The following THSD4 variants were observed in gnomAD, a reference collection of about 807,000 sequenced individuals.
THSD4 encodes thrombospondin type 1 domain containing 4.
THSD4 carries 69 observed loss-of-function variants against 119.0 expected under a neutral mutation model. The ratio of observed to expected loss-of-function variants is 0.58; its 90% CI spans 0.48 to 0.71. The LOEUF (loss-of-function observed/expected upper bound fraction) is 0.71, where lower values mean the gene tolerates loss of function less well. Ranked by LOEUF, THSD4 falls within the 30% of genes least tolerant of loss-of-function variation. THSD4 has a pLI of 0.00. For synonymous variants in THSD4, 524 were observed against 540.4 expected, an observed-to-expected ratio of 0.97 and a Z score of 0.42; for missense variants, 1,393 against 1,391.1, an observed-to-expected ratio of 1.00 and a Z score of -0.02.
At chr15:71,473,344 C>T (rs1195544193) in intron 7 of THSD4, among the ~76,000 whole-genome samples, 1 of 152,182 alleles carries the variant, frequency 6.6e-6, no homozygotes, top group Non-Finnish European at 1.5e-5. Context: ...AGGTGTGAGC[C>T]ACCGTGCCTG....
intron 2 of THSD4, among the ~76,000 whole-genome samples, chr15:71,147,040 C>T (rs2040669170): frequency 6.6e-6 from 1 of 152,194 alleles, no homozygotes; most frequent in Non-Finnish European, 1.5e-5. Context: ...TTGACCCCTC[C>T]TCTTCCTGCC....
chr15:71,669,600 C>T (rs564978481), intron 8 of THSD4, among the ~76,000 whole-genome samples: 3 of 152,094 alleles, frequency 2.0e-5, no homozygotes, highest in South Asian at 2.1e-4. Context: ...AAAACTTGCC[C>T]GTTTTGTTTA....
At chr15:71,163,862 G>A (rs2043268177) in intron 3 of THSD4, among the ~76,000 whole-genome samples, 1 of 148,904 alleles carries the variant, frequency 6.7e-6, no homozygotes, top group Admixed American at 6.7e-5. Flanking sequence ...ACGCTTTTGG[G>A]GATACATTCT....
intron 6 of THSD4, among the ~76,000 whole-genome samples, chr15:71,286,481 C>T (rs1022846409): frequency 6.6e-6 from 1 of 152,216 alleles, no homozygotes; most frequent in Admixed American, 6.5e-5. Flanking sequence ...CTGCAAAGCA[C>T]ATGATCTTGT....
chr15:71,609,090 T>C (rs2140907310), intron 7 of THSD4, among the ~76,000 whole-genome samples: 1 of 152,242 alleles, frequency 6.6e-6, no homozygotes, highest in Middle Eastern at 3.4e-3. Flanking sequence ...CTAAAGAACA[T>C]TAACTACCAG....
At position 71,242,709 on chromosome 15, in the gene THSD4, C is replaced by G; in HGVS notation, c.525C>G (p.Ile175Met). 2 of 1,614,182 alleles carry G rather than the reference C, an allele frequency of 1.2e-6. No individual in the cohort carries two copies. The highest frequency in any genetic ancestry group is 1.7e-6 in the Non-Finnish European group (2 of 1,180,040). ...ATGGCTATGGTAAGGCCCCATATAT[C>G]TTACCACTGCAGACAGACACTGCAC... ...GKYGYGKAPY[I>M]LPLQTDTAHT... The change falls in exon 5 of 18, where the codon ATC (isoleucine) becomes ATG (methionine). Residue 175 changes from isoleucine (I) to methionine (M), a missense_variant. Ile to Met is a conservative substitution (Grantham distance 10). Transcript: ENST00000261862.
intron 7 of THSD4, among the ~76,000 whole-genome samples, chr15:71,447,027 G>C (rs953787761): frequency 6.6e-6 from 1 of 151,640 alleles, no homozygotes. Context: ...GAATGAAAAC[G>C]AAGGCACTGT....
chr15:71,395,711 C>A (rs754826761), intron 6 of THSD4, among the ~76,000 whole-genome samples: 46 of 152,140 alleles, frequency 3.0e-4, no homozygotes, highest in Middle Eastern at 3.4e-3. Flanking sequence ...CACTGCACTT[C>A]AGCTTGGGCC....
intron 7 of THSD4, among the ~76,000 whole-genome samples, chr15:71,603,178 C>G (rs1454712938): frequency 6.6e-6 from 1 of 152,170 alleles, no homozygotes; most frequent in Non-Finnish European, 1.5e-5. Context: ...CTTGGTTCAG[C>G]TAAAACCAGG....
intron 7 of THSD4, among the ~76,000 whole-genome samples, chr15:71,427,439 A>G (rs1211046268): frequency 1.3e-5 from 2 of 151,748 alleles, no homozygotes; most frequent in African/African-American, 4.8e-5. Flanking sequence ...GAACGCTGTG[A>G]AGTTAACTGG....
At chr15:71,396,258 C>T (rs199541686) in intron 6 of THSD4, among the ~76,000 whole-genome samples, 4 of 151,862 alleles carry the variant, frequency 2.6e-5, no homozygotes, top group East Asian at 1.9e-4. Context: ...ATAATATACA[C>T]ATATGCATGT....
intron 6 of THSD4, among the ~76,000 whole-genome samples, chr15:71,406,089 A>G (rs1212398440): frequency 6.6e-6 from 1 of 152,080 alleles, no homozygotes; most frequent in East Asian, 1.9e-4. Context: ...CTGGCCCTCA[A>G]AGTATTTTCT....
chr15:71,518,277 T>C (rs2048389714), intron 7 of THSD4, among the ~76,000 whole-genome samples: 1 of 152,016 alleles, frequency 6.6e-6, no homozygotes, highest in South Asian at 2.1e-4. Flanking sequence ...CTAATTTATA[T>C]AAGAAGTTAT....
intron 6 of THSD4, among the ~76,000 whole-genome samples, chr15:71,367,660 C>T (rs946005557): frequency 1.3e-5 from 2 of 152,204 alleles, no homozygotes; most frequent in Non-Finnish European, 2.9e-5. Context: ...GTATGTGCCA[C>T]ATTTTCTTAA....
chr15:71,454,409 G>A (rs1264525161), intron 7 of THSD4, among the ~76,000 whole-genome samples: 1 of 152,198 alleles, frequency 6.6e-6, no homozygotes, highest in African/African-American at 2.4e-5. Flanking sequence ...TGAAAAGAAG[G>A]GTGGGATCAT....
intron 7 of THSD4, among the ~76,000 whole-genome samples, chr15:71,441,679 C>T (rs1595770598): frequency 6.6e-6 from 1 of 152,016 alleles, no homozygotes; most frequent in East Asian, 2.0e-4. Context: ...AGGCGTGAGC[C>T]ACCATGTCCA....
At chr15:71,122,978 AG>A (rs1384852469) in intron 1 of THSD4, among the ~76,000 whole-genome samples, 2 of 152,202 alleles carry the variant, frequency 1.3e-5, no homozygotes, top group Non-Finnish European at 2.9e-5. Flanking sequence ...GGCCCAGACA[AG>A]GGGGACCCAG....
At position 71,724,270 on chromosome 15, in the gene THSD4, T is replaced by TA. The variant is rs2052779922; in HGVS notation, c.1358-4278dup. On this transcript the variant is annotated intron_variant, in intron 8 of 17. Coordinates refer to ENST00000261862, the MANE Select transcript of THSD4 (RefSeq NM_024817.3). ...GGGAGGAGGCCTCTATGATGGGATA[T>TA]ATATATATATATATATATTTTTTTT... Among the ~76,000 whole-genome samples the TA allele has an allele frequency of 3.3e-4, 15 of 45,418 alleles. 1 individual carries two copies. The highest frequency in any genetic ancestry group is 0.048 in the Middle Eastern group (2 of 42). 29.8% of individuals were successfully genotyped at this position (45,418 alleles called of 152,430 possible). A position where few individuals can be genotyped will look rare whatever the true frequency, so the allele number is the denominator to read the frequency against.
At chr15:71,721,445 T>G (rs939062378) in intron 8 of THSD4, among the ~76,000 whole-genome samples, 1 of 151,928 alleles carries the variant, frequency 6.6e-6, no homozygotes, top group Non-Finnish European at 1.5e-5. Context: ...GAGGCGGAGG[T>G]TGCAGTGAGC....
Sources: gnomAD v4.1 joint callset for allele counts (sites outside exome capture counted in the v4.1 genomes callset) on GRCh38, gnomAD v4.1.1 for gene constraint, MANE v1.5 for transcripts, NCBI Gene and HGNC (gene_info 2026-07-23, HGNC 2026-07-21) for gene names.